WIPF3: variants seen among roughly 807,000 people sequenced by gnomAD.
WIPF3 encodes WAS/WASL-interacting protein family member 3.
A neutral mutation model predicts 38.9 loss-of-function variants in WIPF3; 33 were observed. The ratio of observed to expected loss-of-function variants is 0.85; its 90% CI spans 0.64 to 1.14. The LOEUF (loss-of-function observed/expected upper bound fraction) is 1.14, where lower values mean the gene tolerates loss of function less well. WIPF3 is among the 50% of genes most tolerant of loss of function. The probability of loss-of-function intolerance (pLI) is 0.00; values close to 1 mark genes in which losing one functional copy is unlikely to be tolerated. For missense variants in WIPF3, 711 were observed against 652.5 expected (o/e 1.09, Z -0.98); for synonymous variants, 324 against 269.3 (o/e 1.20, Z -1.99).
At chr7:29,865,616 G>C (rs1043604012) in intron 2 of WIPF3, among the ~76,000 whole-genome samples, 1 of 152,186 alleles carries the variant, frequency 6.6e-6, no homozygotes, top group South Asian at 2.1e-4. Flanking sequence ...GAGTGAGGCC[G>C]AGGGATGACA....
intron 4 of WIPF3, among the ~76,000 whole-genome samples, chr7:29,880,576 T>C (rs1785694644): frequency 6.6e-6 from 1 of 152,182 alleles, no homozygotes; most frequent in Admixed American, 6.5e-5. Flanking sequence ...CACCAGTTTC[T>C]CTTCATAGAA....
At chr7:29,898,230 A>ACTGACTC (rs1256186580) in intron 7 of WIPF3, among the ~76,000 whole-genome samples, 1 of 152,126 alleles carries the variant, frequency 6.6e-6, no homozygotes, top group African/African-American at 2.4e-5. Flanking sequence ...TCCACTGTAC[A>ACTGACTC]CTGACTCCTT....
chr7:29,909,935 G>T (rs1786474299), intron 8 of WIPF3, among the ~76,000 whole-genome samples: 1 of 151,550 alleles, frequency 6.6e-6, no homozygotes, highest in Non-Finnish European at 1.5e-5. Flanking sequence ...TAGAAGGATG[G>T]TTACAAACTA....
Position 29,875,876 on chromosome 7 carries a change from G to C in WIPF3, c.137G>C (p.Arg46Pro), listed in dbSNP as rs572798556. The C allele has an allele frequency of 1.2e-6, 2 of 1,614,080 alleles. No individual in the cohort carries two copies. Among genetic ancestry groups the C allele is most frequent in the Non-Finnish European group, 1.7e-6 (2 of 1,179,906 alleles). The change falls in exon 3 of 9, where the codon CGG becomes CCG. Residue 46 changes from arginine (R) to proline (P), a missense_variant. Physicochemically the swap from Arg to Pro is moderately radical, Grantham distance 103 (BLOSUM62 -2). Coordinates refer to ENST00000242140, the MANE Select transcript of WIPF3 (RefSeq NM_001080529.3). ...SSLRRADPKG[R>P]SALLADIQQG... ...TTGCGAAGGGCAGATCCGAAAGGCCGGAGTGCGCTGTTGGCTGATATCCAG... is the reference window on the plus strand; with the variant it reads ...TTGCGAAGGGCAGATCCGAAAGGCCCGAGTGCGCTGTTGGCTGATATCCAG...
At chr7:29,869,881 G>A (rs1391722812) in intron 2 of WIPF3, among the ~76,000 whole-genome samples, 1 of 152,158 alleles carries the variant, frequency 6.6e-6, no homozygotes, top group Non-Finnish European at 1.5e-5. Flanking sequence ...GGAAAAAGCT[G>A]GCATTTATAC....
At chr7:29,883,427 A>G (rs548273808) in intron 4 of WIPF3, among the ~76,000 whole-genome samples, 142 of 152,310 alleles carry the variant, frequency 9.3e-4, no homozygotes, top group Middle Eastern at 3.4e-3. Flanking sequence ...CCTAGCCAGG[A>G]GTGCTGGTTG....
chr7:29,887,756 T>G (rs1459922297), intron 5 of WIPF3, among the ~76,000 whole-genome samples: 1 of 152,198 alleles, frequency 6.6e-6, no homozygotes, highest in Non-Finnish European at 1.5e-5. Flanking sequence ...GCAGCTAACA[T>G]TTATTGAGGA....
chr7:29,888,060 TC>T lies in WIPF3; in HGVS notation c.1100-7del, dbSNP rs1265939096. The T allele has an allele frequency of 6.2e-7, 1 of 1,613,690 alleles. No homozygotes were observed. The highest frequency in any genetic ancestry group is 8.5e-7 in the Non-Finnish European group (1 of 1,179,794). Reference sequence around the variant, plus strand: ...TGTTTCTGAGTACACCATCATCTTCTCTGTAAGGGGCCGGTGGGGGAAAGCT... The same window carrying T: ...TGTTTCTGAGTACACCATCATCTTCTTGTAAGGGGCCGGTGGGGGAAAGCT... On this transcript the variant is annotated splice_polypyrimidine_tract_variant and splice_region_variant and intron_variant, in intron 5 of 8. Coordinates refer to ENST00000242140, the MANE Select transcript of WIPF3 (RefSeq NM_001080529.3).
chr7:29,879,965 T>C (rs1436701296), intron 4 of WIPF3, among the ~76,000 whole-genome samples: 4 of 152,264 alleles, frequency 2.6e-5, no homozygotes, highest in South Asian at 2.1e-4. Context: ...GATGGGGAAA[T>C]AGACTTCGCC....
At chr7:29,867,710 G>A (rs1379050732) in intron 2 of WIPF3, among the ~76,000 whole-genome samples, 7 of 151,714 alleles carry the variant, frequency 4.6e-5, no homozygotes, top group Admixed American at 1.3e-4. Flanking sequence ...AGAATGGTGC[G>A]GAATTGAATT....
At chr7:29,875,985 C>T in intron 3 of WIPF3, 23 bp downstream of exon 3, 1 of 1,610,432 alleles carries the variant, frequency 6.2e-7, no homozygotes, top group South Asian at 1.1e-5. Flanking sequence ...CCGGGCCAGG[C>T]CTCCTGTGAG....
intron 7 of WIPF3, among the ~76,000 whole-genome samples, chr7:29,903,431 TA>T (rs1363316204): frequency 6.6e-6 from 1 of 152,072 alleles, no homozygotes; most frequent in Admixed American, 6.5e-5. Flanking sequence ...AAATAGTCTA[TA>T]ATGAACATTC....
rs372839006 is a variant in WIPF3, at chr7:29,842,053, C to T, written c.90+7239C>T. On this transcript the variant is annotated intron_variant, in intron 2 of 8. Transcript: ENST00000242140. Reference sequence around the variant, plus strand: ...GAAGCCCCTCGGGGGCCTGTGATTTCGGTTTTCTTGCCACAGTCCCTAACC... The same window carrying T: ...GAAGCCCCTCGGGGGCCTGTGATTTTGGTTTTCTTGCCACAGTCCCTAACC... Among the ~76,000 whole-genome samples, 7 of 152,340 alleles carry T rather than the reference C, an allele frequency of 4.6e-5. No individual in the cohort carries two copies. In the East Asian group the frequency reaches 7.7e-4, roughly 17 times the overall value.
chr7:29,890,854 TGTGG>T (rs1785996632), intron 7 of WIPF3, among the ~76,000 whole-genome samples: 19 of 96,212 alleles, frequency 2.0e-4, no homozygotes, highest in Middle Eastern at 6.8e-3. Context: ...GTGGAGGGGA[TGTGG>T]GCCTGCCCTG....
At chr7:29,854,089 A>G (rs562455467) in intron 2 of WIPF3, among the ~76,000 whole-genome samples, 49 of 152,376 alleles carry the variant, frequency 3.2e-4, no homozygotes, top group African/African-American at 1.1e-3. Flanking sequence ...TGGCATCAGC[A>G]GCATGAATCA....
chr7:29,905,679 T>G (rs1786381533), intron 8 of WIPF3: 1 of 151,980 alleles, frequency 6.6e-6, no homozygotes, highest in South Asian at 2.1e-4. Flanking sequence ...CTCTGATTGG[T>G]TATTGCTGCT....
intron 2 of WIPF3, among the ~76,000 whole-genome samples, chr7:29,863,940 T>C (rs1228639062): frequency 6.6e-6 from 1 of 152,188 alleles, no homozygotes; most frequent in Non-Finnish European, 1.5e-5. Flanking sequence ...ATCAGTTCTA[T>C]GAGTTTTCTA....
At chr7:29,840,706 C>T (rs571437664) in intron 2 of WIPF3, among the ~76,000 whole-genome samples, 4 of 152,276 alleles carry the variant, frequency 2.6e-5, no homozygotes, top group African/African-American at 9.6e-5. Flanking sequence ...AGGACCATCA[C>T]AACAGGTGGA....
chr7:29,807,901 G>A (rs535507584), intron 1 of WIPF3, among the ~76,000 whole-genome samples: 1 of 152,162 alleles, frequency 6.6e-6, no homozygotes, highest in Admixed American at 6.5e-5. Context: ...GGAGGACTGG[G>A]AGTGCACTTC....
Sources: gnomAD v4.1 joint callset for allele counts (sites outside exome capture counted in the v4.1 genomes callset) on GRCh38, gnomAD v4.1.1 for gene constraint, MANE v1.5 for transcripts, NCBI Gene and HGNC (gene_info 2026-07-23, HGNC 2026-07-21) for gene names.